Variants in NRXN1 observed in about 807,000 individuals in gnomAD.
The protein encoded by NRXN1 is neurexin-1.
In NRXN1, 39 loss-of-function variants were observed where a neutral mutation model predicts 150.9. That is an observed-to-expected ratio of 0.26 (90% CI 0.20 to 0.34). The LOEUF (loss-of-function observed/expected upper bound fraction) is 0.34, where lower values mean the gene tolerates loss of function less well. Among genes scored for constraint, NRXN1 ranks in the 10% least tolerant of loss-of-function variants. NRXN1 has a pLI of 1.00. For missense variants in NRXN1, 1,815 were observed against 1,949.9 expected (o/e 0.93, Z 1.30); for synonymous variants, 924 against 757.0 (o/e 1.22, Z -3.62).
At chr2:50,943,254 A>G (rs2104509120) in intron 2 of NRXN1, among the ~76,000 whole-genome samples, 1 of 152,352 alleles carries the variant, frequency 6.6e-6, no homozygotes, top group African/African-American at 2.4e-5. Context: ...GCAGCTCCTT[A>G]CAGCAGTGTA....
At chr2:50,542,551 C>T (rs952526279) in intron 9 of NRXN1, among the ~76,000 whole-genome samples, 2 of 152,018 alleles carry the variant, frequency 1.3e-5, no homozygotes, top group Non-Finnish European at 2.9e-5. Flanking sequence ...TTTGCTAATT[C>T]GTATGAACTT....
At chr2:50,944,935 C>A (rs1690091449) in intron 2 of NRXN1, among the ~76,000 whole-genome samples, 1 of 152,064 alleles carries the variant, frequency 6.6e-6, no homozygotes, top group Non-Finnish European at 1.5e-5. Flanking sequence ...ATGCAGGTTT[C>A]TTTTTTTGGG....
intron 5 of NRXN1, among the ~76,000 whole-genome samples, chr2:50,762,360 CA>C (rs1701898757): frequency 1.3e-5 from 2 of 151,330 alleles, no homozygotes; most frequent in African/African-American, 4.9e-5. Context: ...ATTTTTAATT[CA>C]GGGGTCACAT....
chr2:50,971,160 C>A (rs1694931443), intron 2 of NRXN1, among the ~76,000 whole-genome samples: 1 of 152,108 alleles, frequency 6.6e-6, no homozygotes, highest in South Asian at 2.1e-4. Flanking sequence ...CCAATTGTTT[C>A]ATATTTCAAT....
rs373215954 is a variant in NRXN1, at chr2:50,482,564, C to T, written c.3071-10093G>A. On this transcript the variant is annotated intron_variant, in intron 15 of 22. Coordinates refer to ENST00000401669, the MANE Select transcript of NRXN1 (RefSeq NM_001330078.2). ...CATATGGATTTGCAGGGGTTTTCAACCTCACATATACTGCTGTACCTTACA... is the reference window on the plus strand; with the variant it reads ...CATATGGATTTGCAGGGGTTTTCAATCTCACATATACTGCTGTACCTTACA... Among the ~76,000 whole-genome samples the T allele has an allele frequency of 9.9e-5, 15 of 152,198 alleles. No homozygotes were observed. In the East Asian group the frequency reaches 1.7e-3, roughly 18 times the overall value.
chr2:50,438,438 TG>T (rs1470648722), intron 17 of NRXN1, among the ~76,000 whole-genome samples: 2 of 152,048 alleles, frequency 1.3e-5, no homozygotes, highest in South Asian at 4.1e-4. Flanking sequence ...GCACTGGAAC[TG>T]GGGGGAGTGG....
intron 5 of NRXN1, among the ~76,000 whole-genome samples, chr2:50,894,017 G>C (rs1681508537): frequency 2.0e-5 from 3 of 151,746 alleles, no homozygotes; most frequent in Non-Finnish European, 4.4e-5. Context: ...GGACATTTGG[G>C]TTGGTTCCAA....
chr2:50,519,518 G>A (rs1422583044), intron 12 of NRXN1, among the ~76,000 whole-genome samples: 1 of 151,920 alleles, frequency 6.6e-6, no homozygotes, highest in African/African-American at 2.4e-5. Flanking sequence ...TAAATCTTAG[G>A]CCAAATTAAC....
chr2:50,397,154 T>G (rs535543321), intron 17 of NRXN1, among the ~76,000 whole-genome samples: 1 of 152,188 alleles, frequency 6.6e-6, no homozygotes, highest in Non-Finnish European at 1.5e-5. Context: ...TTGGTGTCAT[T>G]CTGGCCCTGT....
chr2:50,166,257 T>C (rs1464603994), intron 18 of NRXN1, among the ~76,000 whole-genome samples: 1 of 150,896 alleles, frequency 6.6e-6, no homozygotes, highest in Admixed American at 6.6e-5. Context: ...TCCTAGGCAT[T>C]TTGGATAGGA....
At chr2:50,797,511 G>A (rs1405093640) in intron 5 of NRXN1, among the ~76,000 whole-genome samples, 4 of 152,008 alleles carry the variant, frequency 2.6e-5, no homozygotes, top group Admixed American at 6.6e-5. Context: ...AGCCCAAAAC[G>A]TAAATCATGC....
intron 5 of NRXN1, among the ~76,000 whole-genome samples, chr2:50,826,708 G>A (rs1454852372): frequency 6.6e-6 from 1 of 152,050 alleles, no homozygotes; most frequent in African/African-American, 2.4e-5. Flanking sequence ...AAGAAACTTC[G>A]GCAGAAATTA....
intron 5 of NRXN1, among the ~76,000 whole-genome samples, chr2:50,887,791 G>A (rs1453787946): frequency 6.6e-6 from 1 of 151,292 alleles, no homozygotes; most frequent in East Asian, 1.9e-4. Flanking sequence ...CAATATGAGG[G>A]TGTTCAGCAA....
intron 19 of NRXN1, among the ~76,000 whole-genome samples, chr2:50,086,541 C>A (rs1698794097): frequency 6.6e-6 from 1 of 152,122 alleles, no homozygotes. Context: ...CACTCCAGAC[C>A]ACCATTTTCT....
chr2:50,703,191 T>G (rs1329428583), intron 5 of NRXN1, among the ~76,000 whole-genome samples: 1 of 152,026 alleles, frequency 6.6e-6, no homozygotes, highest in African/African-American at 2.4e-5. Flanking sequence ...TATAAGAACA[T>G]CTGTACCTGA....
chr2:50,444,628 G>A (rs1432071764), intron 17 of NRXN1, among the ~76,000 whole-genome samples: 1 of 151,912 alleles, frequency 6.6e-6, no homozygotes, highest in East Asian at 1.9e-4. Context: ...TATTTAAGAG[G>A]ACACCAAAAA....
chr2:50,108,463 G>A (rs1246167593), intron 18 of NRXN1, among the ~76,000 whole-genome samples: 3 of 151,902 alleles, frequency 2.0e-5, no homozygotes, highest in African/African-American at 7.2e-5. Flanking sequence ...GTTAACCTAA[G>A]GACTCAAACT....
chr2:50,230,331 G>C (rs992347618), intron 18 of NRXN1, among the ~76,000 whole-genome samples: 2 of 151,994 alleles, frequency 1.3e-5, no homozygotes, highest in Non-Finnish European at 2.9e-5. Flanking sequence ...GGAGTTGAAA[G>C]ATAAGTAGAA....
chr2:50,544,256 T>C (rs1483041194), intron 9 of NRXN1, among the ~76,000 whole-genome samples: 1 of 151,898 alleles, frequency 6.6e-6, no homozygotes, highest in African/African-American at 2.4e-5. Context: ...AATACAACAT[T>C]GACAATAGGG....
Sources: gnomAD v4.1 joint callset for allele counts (sites outside exome capture counted in the v4.1 genomes callset) on GRCh38, gnomAD v4.1.1 for gene constraint, MANE v1.5 for transcripts, NCBI Gene and HGNC (gene_info 2026-07-23, HGNC 2026-07-21) for gene names.